Variants in CPQ observed in about 807,000 individuals in gnomAD.
CPQ encodes Ser-Met dipeptidase.
In CPQ, 37 loss-of-function variants were observed where a neutral mutation model predicts 45.7. The observed-to-expected ratio is 0.81, with a 90% CI of 0.62 to 1.07. CPQ has a LOEUF of 1.07. Ranked by LOEUF, CPQ falls within the 50% of genes least tolerant of loss-of-function variation. The pLI, the probability that CPQ is intolerant of heterozygous loss-of-function variation, is 0.00. For missense variants in CPQ, 537 were observed against 572.9 expected, an observed-to-expected ratio of 0.94 and a Z score of 0.64; for synonymous variants, 186 against 205.8, an observed-to-expected ratio of 0.90 and a Z score of 0.82.
intron 7 of CPQ, among the ~76,000 whole-genome samples, chr8:97,130,282 G>A (rs1253098793): frequency 6.6e-6 from 1 of 152,056 alleles, no homozygotes; most frequent in Admixed American, 6.6e-5. Context: ...TTATAAACTC[G>A]TCCCTGGCAT....
At chr8:96,856,239 G>A (rs1811849198) in intron 3 of CPQ, among the ~76,000 whole-genome samples, 1 of 152,210 alleles carries the variant, frequency 6.6e-6, no homozygotes, top group Non-Finnish European at 1.5e-5. Flanking sequence ...GTTGTAAGAA[G>A]TACAGACATG....
chr8:96,830,293 T>C lies in CPQ; in HGVS notation c.434-4680T>C, dbSNP rs188253117. On this transcript the variant is annotated intron_variant, in intron 2 of 7. Transcript: ENST00000220763. ...TTTTTATTTTGATGGTAGAAAATGT[T>C]GTAAGATTATTTCATTATCTTCTTA... 6.6e-5 allele frequency among the ~76,000 whole-genome samples: 10 copies of C among 152,286 alleles called. No individual in the cohort carries two copies. The East Asian group carries it at 1.9e-3, about 29-fold the overall frequency.
At chr8:96,756,443 T>G (rs1563489096) in intron 1 of CPQ, among the ~76,000 whole-genome samples, 1 of 152,142 alleles carries the variant, frequency 6.6e-6, no homozygotes, top group Non-Finnish European at 1.5e-5. Flanking sequence ...CTATACTTTG[T>G]AGGTTAATTC....
rs185033811 is a variant in CPQ, at chr8:96,799,321, T to C, written c.433+13991T>C. On this transcript the variant is annotated intron_variant, in intron 2 of 7. Coordinates refer to ENST00000220763, the MANE Select transcript of CPQ (RefSeq NM_016134.4). The stretch of plus-strand genomic sequence containing the variant: ...CAAGCACATCTAGCAAAAGAAGGCT[T>C]TCTATAGCCAATAAGTTCAGTCCAT... Among the ~76,000 whole-genome samples, 196 of 152,308 alleles carry C rather than the reference T, an allele frequency of 1.3e-3. 1 individual carries two copies. The highest frequency in any genetic ancestry group is 6.8e-4 in the Non-Finnish European group (46 of 68,016).
chr8:96,911,846 G>A (rs1185466607), intron 4 of CPQ, among the ~76,000 whole-genome samples: 2 of 152,180 alleles, frequency 1.3e-5, no homozygotes, highest in African/African-American at 4.8e-5. Context: ...ACTGAAGCCA[G>A]GTTTTATAAA....
chr8:96,700,321 G>T (rs1809440330), intron 1 of CPQ, among the ~76,000 whole-genome samples: 1 of 152,096 alleles, frequency 6.6e-6, no homozygotes. Context: ...AAGGTCTGGA[G>T]GAGGATTTTC....
chr8:96,710,837 T>A (rs1809598205), intron 1 of CPQ, among the ~76,000 whole-genome samples: 1 of 152,236 alleles, frequency 6.6e-6, no homozygotes, highest in African/African-American at 2.4e-5. Flanking sequence ...TTGGGTAGAA[T>A]ATTCTGTAAA....
chr8:96,807,257 A>G (rs1165177791), intron 2 of CPQ, among the ~76,000 whole-genome samples: 2 of 151,712 alleles, frequency 1.3e-5, no homozygotes, highest in South Asian at 2.1e-4. Flanking sequence ...ATTTTTTGAG[A>G]CGGAGTCTCG....
chr8:96,966,318 A>C (rs1781525309), intron 5 of CPQ, among the ~76,000 whole-genome samples: 1 of 152,248 alleles, frequency 6.6e-6, no homozygotes, highest in African/African-American at 2.4e-5. Flanking sequence ...CCAGCTAAAG[A>C]ATATGCAAGG....
At chr8:96,786,542 C>T (rs1810771001) in intron 2 of CPQ, among the ~76,000 whole-genome samples, 1 of 152,048 alleles carries the variant, frequency 6.6e-6, no homozygotes, top group African/African-American at 2.4e-5. Flanking sequence ...GGGCATATAC[C>T]AAGAAGTAGA....
intron 1 of CPQ, among the ~76,000 whole-genome samples, chr8:96,657,357 T>C (rs1036167777): frequency 6.6e-6 from 1 of 152,056 alleles, no homozygotes; most frequent in African/African-American, 2.4e-5. Flanking sequence ...AAAAAAATCC[T>C]CTCTCTGTGT....
chr8:96,788,740 CT>C (rs1810809529), intron 2 of CPQ, among the ~76,000 whole-genome samples: 2 of 151,566 alleles, frequency 1.3e-5, no homozygotes, highest in South Asian at 4.2e-4. Flanking sequence ...TTTTCCTCTC[CT>C]TCTGGTACTT....
chr8:96,932,301 T>G (rs1812984982), intron 4 of CPQ, among the ~76,000 whole-genome samples: 1 of 152,222 alleles, frequency 6.6e-6, no homozygotes. Flanking sequence ...TATTCCTATG[T>G]GCATTTTGAT....
intron 2 of CPQ, among the ~76,000 whole-genome samples, chr8:96,799,932 C>G (rs947426817): frequency 6.6e-6 from 1 of 152,114 alleles, no homozygotes; most frequent in Non-Finnish European, 1.5e-5. Flanking sequence ...TTGACTGTTT[C>G]TGTAAGAATA....
intron 6 of CPQ, among the ~76,000 whole-genome samples, chr8:97,054,412 C>T (rs1256820636): frequency 6.6e-6 from 1 of 152,178 alleles, no homozygotes; most frequent in African/African-American, 2.4e-5. Context: ...CCAGCAATCC[C>T]ACTACTAGGT....
intron 6 of CPQ, among the ~76,000 whole-genome samples, chr8:97,030,807 G>C (rs1051795678): frequency 2.6e-5 from 4 of 152,198 alleles, no homozygotes; most frequent in South Asian, 2.1e-4. Context: ...AAGTCTTTCT[G>C]GGAAAGAAAT....
At chr8:96,892,145 T>C (rs568745641) in intron 4 of CPQ, among the ~76,000 whole-genome samples, 40 of 152,310 alleles carry the variant, frequency 2.6e-4, no homozygotes, top group African/African-American at 8.7e-4. Context: ...TTTTTTAATG[T>C]ATATGTGTTT....
rs145953834 is a variant in CPQ, at chr8:96,853,201, C to T, written c.641+18021C>T. Among the ~76,000 whole-genome samples, 1,507 of 152,256 alleles carry T rather than the reference C, an allele frequency of 9.9e-3. 6 individuals carry two copies. The highest frequency in any genetic ancestry group is 0.017 in the African/African-American group (707 of 41,540). On this transcript the variant is annotated intron_variant, in intron 3 of 7. Transcript: ENST00000220763. Reference sequence around the variant, plus strand: ...GGCCCTCACTTTCCAGAAAGGGAACCGTGGACATAAATGTCATGGGAAGGT... The same window carrying T: ...GGCCCTCACTTTCCAGAAAGGGAACTGTGGACATAAATGTCATGGGAAGGT...
intron 6 of CPQ, among the ~76,000 whole-genome samples, chr8:97,045,219 C>T (rs949923466): frequency 1.9e-4 from 29 of 152,166 alleles, no homozygotes; most frequent in South Asian, 4.1e-4. Flanking sequence ...GCCTCGCTGC[C>T]GCCTTGCAGT....
Sources: allele counts gnomAD v4.1 joint callset (sites outside exome capture counted in the v4.1 genomes callset), GRCh38; gene constraint gnomAD v4.1.1; transcripts MANE v1.5; gene names NCBI Gene and HGNC (gene_info 2026-07-23, HGNC 2026-07-21).